Variants in MBD5 observed in about 807,000 individuals in gnomAD.
MBD5 encodes the protein methyl-CpG binding domain protein 5.
Under a neutral mutation model 117.3 loss-of-function variants are expected in MBD5, and 13 were observed. The ratio of observed to expected loss-of-function variants is 0.11; its 90% CI spans 0.07 to 0.18. MBD5 has a LOEUF of 0.18. Among genes scored for constraint, MBD5 ranks in the 10% least tolerant of loss-of-function variants. The pLI is 1.00. For synonymous variants in MBD5, 727 were observed against 766.4 expected (o/e 0.95, Z 0.85); for missense variants, 1,879 against 2,093.8 (o/e 0.90, Z 2.00).
At chr2:148,335,641 G>A (rs1702767366) in intron 3 of MBD5, among the ~76,000 whole-genome samples, 1 of 151,872 alleles carries the variant, frequency 6.6e-6, no homozygotes, top group Admixed American at 6.6e-5. Context: ...GATCACTTGA[G>A]CCCAGAGGTC....
intron 3 of MBD5, among the ~76,000 whole-genome samples, chr2:148,257,417 G>A (rs1392380861): frequency 3.3e-5 from 5 of 152,200 alleles, no homozygotes; most frequent in African/African-American, 1.2e-4. Context: ...ACAAAAATTT[G>A]CAGCTGCTTC....
chr2:148,412,272 T>TTGTGTGTGTGTG (rs59209677), intron 4 of MBD5, among the ~76,000 whole-genome samples: 6,234 of 144,508 alleles, frequency 0.043, 142 homozygotes, highest in Non-Finnish European at 0.059. Context: ...AGTATACTTT[T>TTGTGTGTGTGTG]TGTGTGTGTG....
intron 1 of MBD5, among the ~76,000 whole-genome samples, chr2:148,037,402 CAT>C (rs1471486140): frequency 2.6e-5 from 4 of 151,934 alleles, no homozygotes; most frequent in Non-Finnish European, 4.4e-5. Context: ...TTTGAAAACT[CAT>C]ATTATTTTGT....
chr2:148,068,349 G>A (rs1220060388), intron 1 of MBD5, among the ~76,000 whole-genome samples: 1 of 152,150 alleles, frequency 6.6e-6, no homozygotes, highest in African/African-American at 2.4e-5. Flanking sequence ...TGCTCAGGAT[G>A]GCCTATGGTT....
intron 4 of MBD5, among the ~76,000 whole-genome samples, chr2:148,427,994 A>G (rs1368076218): frequency 1.3e-5 from 2 of 152,136 alleles, no homozygotes; most frequent in African/African-American, 4.8e-5. Context: ...GTGTTGGCCA[A>G]GGCAATTAGA....
chr2:148,186,864 G>A (rs1698671649), intron 2 of MBD5, among the ~76,000 whole-genome samples: 1 of 152,244 alleles, frequency 6.6e-6, no homozygotes, highest in East Asian at 1.9e-4. Flanking sequence ...AATGTAAACA[G>A]CAAAGACTTT....
intron 3 of MBD5, among the ~76,000 whole-genome samples, chr2:148,296,863 AATTTTTT>A (rs967746201): frequency 1.3e-4 from 5 of 37,714 alleles, no homozygotes; most frequent in South Asian, 2.5e-3. Flanking sequence ...TTAGTTCTTC[AATTTTTT>A]TTTTTTTTTT....
chr2:148,195,255 C>A (rs965271350), intron 2 of MBD5, among the ~76,000 whole-genome samples: 13 of 152,160 alleles, frequency 8.5e-5, no homozygotes, highest in Non-Finnish European at 1.0e-4. Context: ...ATCAGAAAGT[C>A]AAGGTGGCTA....
Position 148,113,752 on chromosome 2 carries a change from A to C in MBD5, c.-924-64948A>C, listed in dbSNP as rs184432400. ...CTACTAAGTGGTTAACATAACACAC[A>C]AGTTTGATTCTTTTATATTTTTAAA... On this transcript the variant is annotated intron_variant, in intron 1 of 13. Coordinates refer to ENST00000642680, the MANE Select transcript of MBD5 (RefSeq NM_001378120.1). Among the ~76,000 whole-genome samples the C allele has an allele frequency of 3.3e-5, 5 of 152,330 alleles. No individual in the cohort carries two copies. The East Asian group carries it at 9.6e-4, about 29-fold the overall frequency.
chr2:148,270,053 G>A (rs186807580), intron 3 of MBD5, among the ~76,000 whole-genome samples: 137 of 151,996 alleles, frequency 9.0e-4, no homozygotes, highest in African/African-American at 3.2e-3. Context: ...TGTATTATAA[G>A]TTTTTCAAAG....
intron 4 of MBD5, among the ~76,000 whole-genome samples, chr2:148,406,896 T>A (rs1705095700): frequency 6.6e-6 from 1 of 152,190 alleles, no homozygotes. Flanking sequence ...CCCATTTATC[T>A]AAAGGTGGTC....
chr2:148,510,373 G>A (rs1360020067), intron 13 of MBD5, among the ~76,000 whole-genome samples: 1 of 152,166 alleles, frequency 6.6e-6, no homozygotes, highest in Admixed American at 6.5e-5. Flanking sequence ...CATAACGTTC[G>A]TTTAAAATAT....
intron 3 of MBD5, among the ~76,000 whole-genome samples, chr2:148,278,864 C>T (rs1701173974): frequency 6.6e-6 from 1 of 152,146 alleles, no homozygotes; most frequent in Admixed American, 6.5e-5. Flanking sequence ...GGCCTGAGAG[C>T]CCAGTAGGCC....
At chr2:148,202,999 G>A (rs925016999) in intron 2 of MBD5, among the ~76,000 whole-genome samples, 2 of 151,948 alleles carry the variant, frequency 1.3e-5, no homozygotes, top group Non-Finnish European at 2.9e-5. Context: ...CAGGTACTCA[G>A]GAGGCTGAAG....
chr2:148,409,754 A>G (rs1216968397), intron 4 of MBD5, among the ~76,000 whole-genome samples: 1 of 152,192 alleles, frequency 6.6e-6, no homozygotes, highest in African/African-American at 2.4e-5. Context: ...CAATTTCACC[A>G]TCTATAGATA....
chr2:148,390,435 ATGTGTGTATATATGTAAGTATATATATG>A (rs1256075606), intron 4 of MBD5, among the ~76,000 whole-genome samples: 1 of 150,916 alleles, frequency 6.6e-6, no homozygotes. Flanking sequence ...TTATATATAT[ATGTGTGTATATATGTAAGTATATATATG>A]TGTGTGTATA....
intron 1 of MBD5, among the ~76,000 whole-genome samples, chr2:148,169,967 G>A (rs1206947583): frequency 2.6e-5 from 4 of 151,314 alleles, no homozygotes; most frequent in Non-Finnish European, 4.4e-5. Flanking sequence ...GCGCGATCTC[G>A]GCTCACTGCA....
chr2:148,340,235 C>A (rs181893334), intron 3 of MBD5, among the ~76,000 whole-genome samples: 1 of 152,124 alleles, frequency 6.6e-6, no homozygotes, highest in Non-Finnish European at 1.5e-5. Flanking sequence ...CTTGTCTATT[C>A]CCATCAAATT....
At chr2:148,477,047 A>C (rs973868190) in intron 8 of MBD5, among the ~76,000 whole-genome samples, 1 of 152,200 alleles carries the variant, frequency 6.6e-6, no homozygotes, top group African/African-American at 2.4e-5. Flanking sequence ...AAAAATCCCA[A>C]GCATTTTAAA....
Sources: gnomAD v4.1 joint callset for allele counts (sites outside exome capture counted in the v4.1 genomes callset) on GRCh38, gnomAD v4.1.1 for gene constraint, MANE v1.5 for transcripts, NCBI Gene and HGNC (gene_info 2026-07-23, HGNC 2026-07-21) for gene names.